The following XIRP2 variants were observed in gnomAD, a reference collection of about 807,000 sequenced individuals.
The protein encoded by XIRP2 is xin actin binding repeat containing 2.
XIRP2 carries 236 observed loss-of-function variants against 277.0 expected under a neutral mutation model. The ratio of observed to expected loss-of-function variants is 0.85; its 90% CI spans 0.77 to 0.95. The LOEUF is 0.95. XIRP2 is among the 40% of genes least tolerant of loss of function. XIRP2 has a pLI of 0.00. For missense variants in XIRP2, 4,640 were observed against 4,157.5 expected (o/e 1.12, Z -3.19); for synonymous variants, 1,490 against 1,416.5 (o/e 1.05, Z -1.17).
chr2:166,957,158 T>A (rs1686183188), intron 2 of XIRP2, among the ~76,000 whole-genome samples: 1 of 151,712 alleles, frequency 6.6e-6, no homozygotes, highest in Non-Finnish European at 1.5e-5. Flanking sequence ...TTTCTCTTTA[T>A]CTGGAGATTT....
chr2:167,253,907 A>G, intron 9 of XIRP2, 125 bp from the exon 10 acceptor site: 1 of 1,080,324 alleles, frequency 9.3e-7, no homozygotes, highest in South Asian at 1.9e-5. Flanking sequence ...CATCATAAGG[A>G]CAGTAGTCTT....
At chr2:167,190,054 C>G (rs1392689126) in intron 3 of XIRP2, among the ~76,000 whole-genome samples, 1 of 152,188 alleles carries the variant, frequency 6.6e-6, no homozygotes, top group African/African-American at 2.4e-5. Flanking sequence ...AATTCAGGAA[C>G]AGACAGATGG....
chr2:167,133,354 G>T (rs1691442015), intron 2 of XIRP2, among the ~76,000 whole-genome samples: 1 of 152,118 alleles, frequency 6.6e-6, no homozygotes, highest in Non-Finnish European at 1.5e-5. Context: ...CTTACCCCTT[G>T]CCAGGCCCTG....
At chr2:167,055,515 G>T (rs1027178232) in intron 2 of XIRP2, among the ~76,000 whole-genome samples, 4 of 152,160 alleles carry the variant, frequency 2.6e-5, no homozygotes, top group Admixed American at 6.5e-5. Flanking sequence ...ATAAATGTGG[G>T]AGAATTTACA....
chr2:167,254,705 C>T (rs1695611217), intron 10 of XIRP2, among the ~76,000 whole-genome samples: 1 of 151,750 alleles, frequency 6.6e-6, no homozygotes, highest in Non-Finnish European at 1.5e-5. Flanking sequence ...TGTCTTTGAG[C>T]TAGACTAAGT....
chr2:167,065,004 G>A (rs1474265101), intron 2 of XIRP2, among the ~76,000 whole-genome samples: 1 of 151,628 alleles, frequency 6.6e-6, no homozygotes, highest in Non-Finnish European at 1.5e-5. Flanking sequence ...TTTTAATTTG[G>A]GGAGTATATA....
chr2:167,094,478 G>A (rs1690240027), intron 2 of XIRP2, among the ~76,000 whole-genome samples: 1 of 152,106 alleles, frequency 6.6e-6, no homozygotes, highest in Non-Finnish European at 1.5e-5. Context: ...AATCCATCTT[G>A]AGTTAATTTT....
chr2:166,902,542 A>C (rs549881006), intron 1 of XIRP2, among the ~76,000 whole-genome samples: 4 of 152,192 alleles, frequency 2.6e-5, no homozygotes, highest in African/African-American at 4.8e-5. Flanking sequence ...AACAGGAAGT[A>C]GCTATTTCTG....
rs369686955 is a variant in XIRP2, at chr2:167,222,672, G to T, written c.858+4372G>T. On this transcript the variant is annotated intron_variant, in intron 5 of 10. Coordinates refer to ENST00000409195, the MANE Select transcript of XIRP2 (RefSeq NM_152381.6). ...GTCTTTTTATCCACTCACTGTAACA[G>T]TCTCCATTTGGGAAAAACATTCTAA... 2.6e-5 allele frequency among the ~76,000 whole-genome samples: 4 copies of T among 152,054 alleles called. No homozygotes were observed. In the East Asian group the frequency reaches 7.7e-4, roughly 29 times the overall value.
At chr2:166,912,221 T>C (rs1390258563) in intron 2 of XIRP2, among the ~76,000 whole-genome samples, 1 of 152,196 alleles carries the variant, frequency 6.6e-6, no homozygotes, top group Non-Finnish European at 1.5e-5. Flanking sequence ...TTGGTTCCAT[T>C]TTCCCCGTCA....
At chr2:166,934,924 G>A (rs567820037) in intron 2 of XIRP2, among the ~76,000 whole-genome samples, 7 of 152,028 alleles carry the variant, frequency 4.6e-5, no homozygotes, top group Non-Finnish European at 8.8e-5. Flanking sequence ...TCAGCTAGTC[G>A]GGAAGCTATG....
chr2:166,945,181 A>G lies in XIRP2; in HGVS notation c.408+41291A>G, dbSNP rs139464105. Among the ~76,000 whole-genome samples, 17 of 152,306 alleles carry G rather than the reference A, an allele frequency of 1.1e-4. No individual in the cohort carries two copies. The East Asian group carries it at 1.9e-3, about 17-fold the overall frequency. On this transcript the variant is annotated intron_variant, in intron 2 of 10. Coordinates refer to ENST00000409195, the MANE Select transcript of XIRP2 (RefSeq NM_152381.6). Reference sequence around the variant, plus strand: ...CCACTTCCAAGATTTGGAATATAGTAGGTTACCAAAGTAAGGAGTATGAGA... The same window carrying G: ...CCACTTCCAAGATTTGGAATATAGTGGGTTACCAAAGTAAGGAGTATGAGA...
At chr2:166,994,592 T>C (rs532133184) in intron 2 of XIRP2, among the ~76,000 whole-genome samples, 94 of 148,698 alleles carry the variant, frequency 6.3e-4, no homozygotes, top group African/African-American at 2.3e-3. Flanking sequence ...AATTACAATA[T>C]GGTAGGACAG....
At position 167,245,783 on chromosome 2, in the gene XIRP2, T is replaced by C. The variant is rs1157828987; in HGVS notation, c.4391T>C (p.Leu1464Pro). 4.3e-6 allele frequency: 7 copies of C among 1,613,634 alleles called. No homozygotes were observed. The highest frequency in any genetic ancestry group is 4.5e-5 in the East Asian group (2 of 44,844). The change falls in exon 9 of 11, where the codon CTG becomes CCG. Residue 1464 changes from leucine to proline, a missense_variant. Physicochemically the swap from Leu to Pro is moderately conservative, Grantham distance 98. Transcript: ENST00000409195. Reference sequence around the variant, plus strand: ...TTTGAAACCCACACTATGGATGAACTGAGAGGAGAAGGGTTAGAATATGAA... The same window carrying C: ...TTTGAAACCCACACTATGGATGAACCGAGAGGAGAAGGGTTAGAATATGAA... ...WLFETHTMDE[L>P]RGEGLEYENI...
At chr2:167,106,721 A>C (rs1273702336) in intron 2 of XIRP2, among the ~76,000 whole-genome samples, 2 of 151,632 alleles carry the variant, frequency 1.3e-5, no homozygotes, top group African/African-American at 2.4e-5. Flanking sequence ...ATCTACAAAA[A>C]GTCTTGCTCT....
chr2:167,175,575 C>T (rs983020285), intron 3 of XIRP2, among the ~76,000 whole-genome samples: 2 of 152,140 alleles, frequency 1.3e-5, no homozygotes, highest in Non-Finnish European at 2.9e-5. Flanking sequence ...GTCTGTTGAC[C>T]CCTGCTGGGA....
intron 2 of XIRP2, among the ~76,000 whole-genome samples, chr2:167,017,884 C>T (rs920753507): frequency 1.3e-5 from 2 of 151,952 alleles, no homozygotes; most frequent in African/African-American, 4.8e-5. Flanking sequence ...CCCCAGTTTT[C>T]CCAACCAGAT....
At chr2:167,142,783 A>G (rs1231305207) in intron 3 of XIRP2, among the ~76,000 whole-genome samples, 3 of 152,258 alleles carry the variant, frequency 2.0e-5, no homozygotes, top group Admixed American at 6.5e-5. Flanking sequence ...GTGCTATGCC[A>G]GAGAAGTTTG....
chr2:167,088,360 A>G (rs1243372381), intron 2 of XIRP2, among the ~76,000 whole-genome samples: 1 of 151,980 alleles, frequency 6.6e-6, no homozygotes, highest in African/African-American at 2.4e-5. Flanking sequence ...ACTAGGTGAC[A>G]TTTCCACATG....
Sources: gnomAD v4.1 joint callset for allele counts (sites outside exome capture counted in the v4.1 genomes callset) on GRCh38, gnomAD v4.1.1 for gene constraint, MANE v1.5 for transcripts, NCBI Gene and HGNC (gene_info 2026-07-23, HGNC 2026-07-21) for gene names.